Variants in IGSF3 observed in about 807,000 individuals in gnomAD.
The protein encoded by IGSF3 is glu-Trp-Ile EWI motif-containing protein 3.
Under a neutral mutation model 114.4 loss-of-function variants are expected in IGSF3, and 23 were observed. The observed-to-expected ratio is 0.20, with a 90% CI of 0.14 to 0.28. The LOEUF (loss-of-function observed/expected upper bound fraction) is 0.28. IGSF3 is among the 10% of genes least tolerant of loss of function. IGSF3 has a pLI of 1.00. For missense variants in IGSF3, 1,172 were observed against 1,591.5 expected, an observed-to-expected ratio of 0.74 and a Z score of 4.48; for synonymous variants, 571 against 645.2, an observed-to-expected ratio of 0.88 and a Z score of 1.74.
chr1:116,630,705 C>T (rs535767998), intron 2 of IGSF3, among the ~76,000 whole-genome samples: 9 of 152,298 alleles, frequency 5.9e-5, no homozygotes, highest in African/African-American at 1.4e-4. Context: ...GGCGGCAAAG[C>T]GTGGCACTGT....
intron 2 of IGSF3, among the ~76,000 whole-genome samples, chr1:116,643,577 C>A (rs188216882): frequency 6.6e-6 from 1 of 152,244 alleles, no homozygotes; most frequent in Non-Finnish European, 1.5e-5. Context: ...CCCAGGCCCT[C>A]CCAGTCCCGT....
intron 9 of IGSF3, among the ~76,000 whole-genome samples, chr1:116,581,590 G>A (rs1659604130): frequency 6.6e-6 from 1 of 152,124 alleles, no homozygotes; most frequent in African/African-American, 2.4e-5. Flanking sequence ...GTTAACACAA[G>A]GCTGGGCTTC....
intron 7 of IGSF3, among the ~76,000 whole-genome samples, chr1:116,597,631 A>T (rs2101411423): frequency 6.6e-6 from 1 of 152,304 alleles, no homozygotes; most frequent in East Asian, 1.9e-4. Context: ...GTTCATTCTC[A>T]CTTTACAGTG....
At chr1:116,667,123 C>G (rs1031280232) in intron 1 of IGSF3, among the ~76,000 whole-genome samples, 167 bp from the exon 2 acceptor site, 1 of 152,222 alleles carries the variant, frequency 6.6e-6, no homozygotes, top group Non-Finnish European at 1.5e-5. Flanking sequence ...CCTCAGTTTC[C>G]CTGCCCAGAG....
At position 116,667,716 on chromosome 1, in the gene IGSF3, G is replaced by C. The variant is rs974442795; in HGVS notation, c.-729C>G. 7 of 151,568 alleles carry C rather than the reference G, an allele frequency of 4.6e-5. No individual in the cohort carries two copies. Among genetic ancestry groups the C allele is most frequent in the Admixed American group, 1.3e-4 (2 of 15,204 alleles). 9.4% of individuals were successfully genotyped at this position (151,568 alleles called of 1,614,324 possible). A position where few individuals can be genotyped will look rare whatever the true frequency, so the allele number is the denominator to read the frequency against. ...GCGCCGCTTCCTCTTCTCCCGCAAC[G>C]GCACCAGCAGCCGCGCTGCGGCCCC... On this transcript the variant is annotated 5_prime_UTR_variant, in exon 1 of 11. Coordinates refer to ENST00000369486, the MANE Select transcript of IGSF3 (RefSeq NM_001007237.3).
Position 116,625,912 on chromosome 1 carries a change from C to A in IGSF3, c.44-9455G>T, listed in dbSNP as rs1270098479. 1.3e-5 allele frequency among the ~76,000 whole-genome samples: 2 copies of A among 152,180 alleles called. No homozygotes were observed. The highest frequency in any genetic ancestry group is 4.8e-5 in the African/African-American group (2 of 41,438). ...TTCATTTCATCCCAACCTGACTGAT[C>A]TCTCTGATGTCTGCACTGCTGTGTC... On this transcript the variant is annotated intron_variant, in intron 2 of 10. Transcript: ENST00000369486. The surrounding 1 kb of genome is among the most constrained non-coding windows in gnomAD (Gnocchi z 4.7).
Position 116,633,683 on chromosome 1 carries a change from T to A in IGSF3, c.44-17226A>T, listed in dbSNP as rs1303180136. Among the ~76,000 whole-genome samples, 3 of 152,164 alleles carry A rather than the reference T, an allele frequency of 2.0e-5. No homozygotes were observed. The East Asian group carries it at 5.8e-4, about 29-fold the overall frequency. ...CTTCTGTCTTCTCCCTTCCTTCTTG[T>A]CTACTAAACTCTCTGTGCCTTAGAA... On this transcript the variant is annotated intron_variant, in intron 2 of 10. Transcript: ENST00000369486. This position sits in a 1 kb window ranked among gnomAD's most constrained non-coding sequence, Gnocchi z 4.3.
rs763906505 is a variant in IGSF3, at chr1:116,579,346, GT to G, written c.3334+45del. On this transcript the variant is annotated intron_variant, in intron 10 of 10. Coordinates refer to ENST00000369486, the MANE Select transcript of IGSF3 (RefSeq NM_001007237.3). The surrounding 1 kb of genome is among the most constrained non-coding windows in gnomAD (Gnocchi z 6.4). Reference sequence around the variant, plus strand: ...AGCTCAAATTTATCTTCCAGACACAGTTGGAACCAACAGTGACATCCTCCCT... The same window carrying G: ...AGCTCAAATTTATCTTCCAGACACAGTGGAACCAACAGTGACATCCTCCCT... The G allele has an allele frequency of 6.6e-7, 1 of 1,517,058 alleles. No individual in the cohort carries two copies. Among genetic ancestry groups the G allele is most frequent in the East Asian group, 2.3e-5 (1 of 43,932 alleles). The allele number at this position is 1,517,058 out of a possible 1,614,324, so 94.0% of individuals were successfully genotyped here.
rs1288200548 is a variant in IGSF3, at chr1:116,584,990, G to C, written c.2503C>G (p.Gln835Glu). The C allele has an allele frequency of 8.8e-6, 14 of 1,584,920 alleles. No individual in the cohort carries two copies. Among genetic ancestry groups the C allele is most frequent in the East Asian group, 2.3e-5 (1 of 44,320 alleles). ...NLSVLETRQV[Q>E]LECVVLNRTS... ...CGGTTGAGAACCACACACTCCAGCTGTACCTGCCGGGTCTCCAGAACCGAC... is the reference window on the plus strand; with the variant it reads ...CGGTTGAGAACCACACACTCCAGCTCTACCTGCCGGGTCTCCAGAACCGAC... The change falls in exon 9 of 11, where the codon CAG (glutamine) becomes GAG (glutamate). Residue 835 changes from glutamine (Q) to glutamate (E), a missense_variant. Around this residue, in one of 3 missense-constraint regions of IGSF3, gnomAD observed 423 missense variants for 509.8 expected, o/e 0.83. Transcript: ENST00000369486. This position sits in a 1 kb window ranked among gnomAD's most constrained non-coding sequence, Gnocchi z 5.8.
rs898547386 is a variant in IGSF3 at position 116,624,695 on chromosome 1, T to G, written c.44-8238A>C. 9.2e-5 allele frequency among the ~76,000 whole-genome samples: 14 copies of G among 152,198 alleles called. No individual in the cohort carries two copies. Among genetic ancestry groups the G allele is most frequent in the Admixed American group, 2.0e-4 (3 of 15,286 alleles). On this transcript the variant is annotated intron_variant, in intron 2 of 10. Transcript: ENST00000369486. The surrounding 1 kb of genome is among the most constrained non-coding windows in gnomAD (Gnocchi z 4.9). Reference sequence around the variant, plus strand: ...GTTTAGAATAATTCCCTTCTCTGTGTATCTGGGCAGGAAGTCACTGTGTGG... The same window carrying G: ...GTTTAGAATAATTCCCTTCTCTGTGGATCTGGGCAGGAAGTCACTGTGTGG...
intron 2 of IGSF3, among the ~76,000 whole-genome samples, chr1:116,630,569 AG>A: frequency 6.6e-6 from 1 of 152,284 alleles, no homozygotes; most frequent in East Asian, 1.9e-4. Context: ...TCTGACTCTA[AG>A]CTTCTGTTTC....
At chr1:116,621,761 A>T (rs1327073447) in intron 2 of IGSF3, among the ~76,000 whole-genome samples, 1 of 152,262 alleles carries the variant, frequency 6.6e-6, no homozygotes, top group African/African-American at 2.4e-5. Context: ...AAAAAGATTA[A>T]GAAACATTGC....
At chr1:116,635,859 C>T (rs1392554731) in intron 2 of IGSF3, among the ~76,000 whole-genome samples, 6 of 152,210 alleles carry the variant, frequency 3.9e-5, no homozygotes, top group Non-Finnish European at 7.3e-5. Context: ...CCAGCTCATC[C>T]GTCATCTCTG....
In IGSF3 at chr1:116,595,240, G is replaced by A. The variant is rs889889162; in HGVS notation, c.2029+4701C>T. On this transcript the variant is annotated intron_variant, in intron 7 of 10. Transcript: ENST00000369486. This position sits in a 1 kb window ranked among gnomAD's most constrained non-coding sequence, Gnocchi z 4.2. Reference sequence around the variant, plus strand: ...CCTTGATGCCAATAACAAGTGCCCCGGTGTTACCATGACAACAGGCCTGAG... The same window carrying A: ...CCTTGATGCCAATAACAAGTGCCCCAGTGTTACCATGACAACAGGCCTGAG... Among the ~76,000 whole-genome samples the A allele has an allele frequency of 9.2e-5, 14 of 152,172 alleles. No individual in the cohort carries two copies. The highest frequency in any genetic ancestry group is 3.8e-4 in the East Asian group (2 of 5,200).
At position 116,624,836 on chromosome 1, in the gene IGSF3, C is replaced by T. The variant is rs1223397685; in HGVS notation, c.44-8379G>A. On this transcript the variant is annotated intron_variant, in intron 2 of 10. Transcript: ENST00000369486. The surrounding 1 kb of genome is among the most constrained non-coding windows in gnomAD (Gnocchi z 4.9). ...CCATGCTGTGAGGGGGCCCAAGGCA[C>T]ATGGAGAGGCCCTGGGCAGGTGCTC... Among the ~76,000 whole-genome samples the T allele has an allele frequency of 6.6e-6, 1 of 152,190 alleles. No homozygotes were observed. The highest frequency in any genetic ancestry group is 2.4e-5 in the African/African-American group (1 of 41,436).
chr1:116,601,796 C>T (rs1389073979), intron 6 of IGSF3, among the ~76,000 whole-genome samples: 1 of 152,200 alleles, frequency 6.6e-6, no homozygotes, highest in East Asian at 1.9e-4. Context: ...AGTCGCTGTG[C>T]ACCTGTGTGT....
Position 116,664,959 on chromosome 1 carries a change from TAA to T in IGSF3, c.43+1323_43+1324del, listed in dbSNP as rs1157525152. Among the ~76,000 whole-genome samples the T allele has an allele frequency of 6.6e-6, 1 of 152,236 alleles. No individual in the cohort carries two copies. ...GGTTGTTGCCTGAAATCAGAATTTT[TAA>T]AAGCTTCCCCAGTGATTCCAACATG... On this transcript the variant is annotated intron_variant, in intron 2 of 10. Coordinates refer to ENST00000369486, the MANE Select transcript of IGSF3 (RefSeq NM_001007237.3). This position sits in a 1 kb window ranked among gnomAD's most constrained non-coding sequence, Gnocchi z 4.6.
At position 116,589,331 on chromosome 1, in the gene IGSF3, C is replaced by A. The variant is rs1659990796; in HGVS notation, c.2030-227G>T. Among the ~76,000 whole-genome samples, 1 of 152,138 alleles carries A rather than the reference C, an allele frequency of 6.6e-6. No individual in the cohort carries two copies. Among genetic ancestry groups the A allele is most frequent in the African/African-American group, 2.4e-5 (1 of 41,420 alleles). ...TAGGCCTTCACCATCTCTCCCCTATCCACTGCCTGCACAGCCCACCATCAC... is the reference window on the plus strand; with the variant it reads ...TAGGCCTTCACCATCTCTCCCCTATACACTGCCTGCACAGCCCACCATCAC... On this transcript the variant is annotated intron_variant, in intron 7 of 10. Coordinates refer to ENST00000369486, the MANE Select transcript of IGSF3 (RefSeq NM_001007237.3). This position sits in a 1 kb window ranked among gnomAD's most constrained non-coding sequence, Gnocchi z 5.7.
In IGSF3 at chr1:116,579,647, G is replaced by GGTCGCC; in HGVS notation, c.3078_3079insGGCGAC (p.Asp1026_Pro1027insGlyAsp). 1 of 1,595,814 alleles carries GGTCGCC rather than the reference G, an allele frequency of 6.3e-7. No homozygotes were observed. Among genetic ancestry groups the GGTCGCC allele is most frequent in the Non-Finnish European group, 8.6e-7 (1 of 1,166,930 alleles). On this transcript the variant is annotated inframe_insertion, in exon 10 of 11. Transcript: ENST00000369486. This position sits in a 1 kb window ranked among gnomAD's most constrained non-coding sequence, Gnocchi z 6.4. Reference sequence around the variant, plus strand: ...CTCAGCAGGGCCGTCCGCTCTGTTGGGTCGTCGTCGTCGTCGTCGTCCTCC... The same window carrying GGTCGCC: ...CTCAGCAGGGCCGTCCGCTCTGTTGGGTCGCCGTCGTCGTCGTCGTCGTCGTCCTCC...
Sources: gnomAD v4.1 joint callset for allele counts (sites outside exome capture counted in the v4.1 genomes callset) on GRCh38, gnomAD v4.1.1 for gene constraint, gnomAD v4.1.1 regional missense constraint, Gnocchi (gnomAD v3.1) non-coding constraint, MANE v1.5 for transcripts, NCBI Gene and HGNC (gene_info 2026-07-23, HGNC 2026-07-21) for gene names.